The following ADAM28 variants were observed in gnomAD, a reference collection of about 807,000 sequenced individuals.
ADAM28 encodes ADAM metallopeptidase domain 28.
ADAM28 carries 105 observed loss-of-function variants against 101.2 expected under a neutral mutation model. The observed-to-expected ratio is 1.04, with a 90% confidence interval of 0.89 to 1.22. ADAM28 has a LOEUF of 1.22. ADAM28 is among the 50% of genes most tolerant of loss of function. The probability of loss-of-function intolerance (pLI) is 0.00; values close to 1 mark genes in which losing one functional copy is unlikely to be tolerated. For missense variants in ADAM28, 1,028 were observed against 945.4 expected (o/e 1.09, Z -1.15); for synonymous variants, 322 against 310.6 (o/e 1.04, Z -0.39).
intron 13 of ADAM28, 110 bp from the exon 14 acceptor site, chr8:24,335,336 C>A: frequency 7.0e-7 from 1 of 1,437,166 alleles, no homozygotes; most frequent in East Asian, 2.5e-5. Flanking sequence ...AATGACACCT[C>A]CAACTACTAT....
chr8:24,343,264 T>C (rs1433719115), intron 17 of ADAM28, 83 bp downstream of exon 17: 1 of 1,497,264 alleles, frequency 6.7e-7, no homozygotes, highest in Non-Finnish European at 9.2e-7. Context: ...AAGGAATATT[T>C]TCAGCTTTAA....
At position 24,329,308 on chromosome 8, in the gene ADAM28, T is replaced by C. The variant is rs1813034809; in HGVS notation, c.973-677T>C. ...GATGAAGTAGATAAGAGAATCAGAC[T>C]TCTGTAGGTGGATGTTACTGGCAGA... On this transcript the variant is annotated intron_variant, in intron 10 of 22. Transcript: ENST00000265769. 2.0e-5 allele frequency among the ~76,000 whole-genome samples: 3 copies of C among 152,184 alleles called. No individual in the cohort carries two copies. In the South Asian group the frequency reaches 6.2e-4, roughly 31 times the overall value.
Position 24,357,634 on chromosome 8 carries a change from A to C in ADAM28, c.*3230A>C, listed in dbSNP as rs762956273. 1.3e-5 allele frequency: 2 copies of C among 152,178 alleles called. No homozygotes were observed. Among genetic ancestry groups the C allele is most frequent in the Admixed American group, 6.6e-5 (1 of 15,266 alleles). 9.4% of individuals were successfully genotyped at this position (152,178 alleles called of 1,614,324 possible). A position where few individuals can be genotyped will look rare whatever the true frequency, so the allele number is the denominator to read the frequency against. The stretch of plus-strand genomic sequence containing the variant: ...CTGGTCCCTCCCTCAACATGTGGAG[A>C]TTATAGCAATTAAAAAAATGAGATT... On this transcript the variant is annotated 3_prime_UTR_variant, in exon 23 of 23. Coordinates refer to ENST00000265769, the MANE Select transcript of ADAM28 (RefSeq NM_014265.6).
intron 21 of ADAM28, 28 bp from the exon 22 acceptor site, chr8:24,353,742 C>T (rs768419439): frequency 6.1e-6 from 8 of 1,316,506 alleles, no homozygotes; most frequent in Non-Finnish European, 7.7e-6. Flanking sequence ...TTTCTAATGC[C>T]ATACCATTGT....
chr8:24,350,080 T>G, intron 19 of ADAM28, 108 bp downstream of exon 19: 1 of 923,734 alleles, frequency 1.1e-6, no homozygotes, highest in East Asian at 2.7e-5. Flanking sequence ...TTACTTCTAA[T>G]ATTCAGAAAT....
intron 13 of ADAM28, among the ~76,000 whole-genome samples, chr8:24,333,385 C>A (rs1775602820): frequency 6.6e-6 from 1 of 152,140 alleles, no homozygotes; most frequent in Non-Finnish European, 1.5e-5. Context: ...ATTTGTTTGA[C>A]TGTAGTAATC....
chr8:24,326,478 G>T (rs1585634312), intron 9 of ADAM28, 76 bp from the exon 10 acceptor site: 1 of 1,352,316 alleles, frequency 7.4e-7, no homozygotes, highest in East Asian at 2.4e-5. Context: ...TAACCATTTA[G>T]GGTTTTGGAT....
intron 8 of ADAM28, 118 bp from the exon 9 acceptor site, chr8:24,323,716 G>C (rs1341150624): frequency 9.7e-7 from 1 of 1,029,012 alleles, no homozygotes; most frequent in Non-Finnish European, 1.4e-6. Context: ...AAATATGCTT[G>C]GAAATAAGGT....
At chr8:24,309,035 A>G (rs569889872) in intron 2 of ADAM28, among the ~76,000 whole-genome samples, 1 of 152,300 alleles carries the variant, frequency 6.6e-6, no homozygotes, top group East Asian at 1.9e-4. Flanking sequence ...AACTTTTTAG[A>G]TATTGAGTGC....
intron 10 of ADAM28, 68 bp downstream of exon 10, chr8:24,326,703 G>T (rs1812668760): frequency 6.9e-7 from 1 of 1,446,456 alleles, no homozygotes; most frequent in South Asian, 1.2e-5. Context: ...AAAATCTATA[G>T]AGAAGATCAT....
intron 6 of ADAM28, among the ~76,000 whole-genome samples, chr8:24,313,814 A>G (rs559612198): frequency 6.6e-6 from 1 of 150,744 alleles, no homozygotes; most frequent in Admixed American, 6.6e-5. Flanking sequence ...CTGTAGTGCA[A>G]TGGTGTGATC....
Position 24,341,608 on chromosome 8 carries a change from T to C in ADAM28, c.1681T>C (p.Cys561Arg), listed in dbSNP as rs1563318983. ...TGGCTTTTTCCTCAGTGATACCATG[T>C]GTGGGAAGTTGTTCTGTCAAGGTGG... ...LIPCKANDTM[C>R]GKLFCQGGSD... Residue 561 changes from cysteine (C) to arginine (R), a missense_variant, in exon 16 of 23, where the codon TGT (cysteine) becomes CGT (arginine). Coordinates refer to ENST00000265769, the MANE Select transcript of ADAM28 (RefSeq NM_014265.6). The C allele has an allele frequency of 6.2e-7, 1 of 1,612,918 alleles. No individual in the cohort carries two copies.
At chr8:24,308,918 C>T (rs894727802) in intron 2 of ADAM28, 2 of 323,340 alleles carry the variant, frequency 6.2e-6, no homozygotes, top group Non-Finnish European at 1.2e-5. Flanking sequence ...AGCTTAGGTG[C>T]ACCACAGCAG....
At position 24,311,346 on chromosome 8, in the gene ADAM28, C is replaced by G; in HGVS notation, c.307-15C>G. 1.2e-6 allele frequency: 2 copies of G among 1,600,852 alleles called. No homozygotes were observed. Among genetic ancestry groups the G allele is most frequent in the Non-Finnish European group, 1.7e-6 (2 of 1,174,150 alleles). ...TTCACATGTACTTCTCTTTACAAAA[C>G]CCCTTTTCCTTTAGGATGATTGTTA... is the stretch of plus-strand genomic sequence containing the variant. On this transcript the variant is annotated splice_polypyrimidine_tract_variant and intron_variant, in intron 4 of 22. Coordinates refer to ENST00000265769, the MANE Select transcript of ADAM28 (RefSeq NM_014265.6).
chr8:24,310,412 C>A, intron 4 of ADAM28, 171 bp downstream of exon 4: 1 of 620,694 alleles, frequency 1.6e-6, no homozygotes, highest in Non-Finnish European at 2.6e-6. Flanking sequence ...AATCAATTAA[C>A]AAGAACAAAA....
chr8:24,351,545 ATGTC>A (rs1264375555), intron 20 of ADAM28: 5 of 574,446 alleles, frequency 8.7e-6, no homozygotes, highest in South Asian at 7.6e-5. Context: ...CACATACCGG[ATGTC>A]TGTCTGTCTC....
chr8:24,344,490 A>G (rs1329141584), intron 18 of ADAM28, among the ~76,000 whole-genome samples: 2 of 152,186 alleles, frequency 1.3e-5, no homozygotes, highest in Non-Finnish European at 2.9e-5. Flanking sequence ...AGTAGACCTC[A>G]GTGAGATATC....
intron 2 of ADAM28, among the ~76,000 whole-genome samples, chr8:24,301,570 T>C (rs2129238755): frequency 6.6e-6 from 1 of 152,358 alleles, no homozygotes; most frequent in Middle Eastern, 3.4e-3. Context: ...ATTTTATTTC[T>C]AAGTGGAGAG....
At position 24,341,434 on chromosome 8, in the gene ADAM28, C is replaced by G. The variant is rs757014848; in HGVS notation, c.1671-164C>G. The G allele has an allele frequency of 1.5e-5, 10 of 684,144 alleles. No homozygotes were observed. In the East Asian group the frequency reaches 2.4e-4, roughly 16 times the overall value. The allele number at this position is 684,144 out of a possible 1,614,324, so 42.4% of individuals were successfully genotyped here. On this transcript the variant is annotated intron_variant, in intron 15 of 22. Coordinates refer to ENST00000265769, the MANE Select transcript of ADAM28 (RefSeq NM_014265.6). Reference sequence around the variant, plus strand: ...TTTGAGCAATAATATATTGTGCTAACGTTCAGGCATCCTATTACTGAGAAA... The same window carrying G: ...TTTGAGCAATAATATATTGTGCTAAGGTTCAGGCATCCTATTACTGAGAAA...
Sources: allele counts gnomAD v4.1 joint callset (sites outside exome capture counted in the v4.1 genomes callset), GRCh38; gene constraint gnomAD v4.1.1; transcripts MANE v1.5; gene names NCBI Gene and HGNC (gene_info 2026-07-23, HGNC 2026-07-21).